EFNA5: variants seen among roughly 807,000 people sequenced by gnomAD.
EFNA5 encodes the protein ephrin-A5.
EFNA5 carries 5 observed loss-of-function variants against 22.9 expected under a neutral mutation model. The observed-to-expected ratio is 0.22, with a 90% confidence interval of 0.11 to 0.46. EFNA5 has a LOEUF of 0.46. Among genes scored for constraint, EFNA5 ranks in the 20% least tolerant of loss-of-function variants. EFNA5 has a pLI of 0.99. For synonymous variants in EFNA5, 113 were observed against 112.2 expected (o/e 1.01, Z -0.04); for missense variants, 237 against 293.3 (o/e 0.81, Z 1.40).
chr5:107,653,458 C>T (rs986952649), intron 1 of EFNA5, among the ~76,000 whole-genome samples: 2 of 152,118 alleles, frequency 1.3e-5, no homozygotes, highest in African/African-American at 4.8e-5. Context: ...TACTTGAGCC[C>T]GCTCTGGAGT....
intron 2 of EFNA5, among the ~76,000 whole-genome samples, chr5:107,411,509 A>G (rs1209987036): frequency 6.6e-6 from 1 of 152,264 alleles, no homozygotes; most frequent in Non-Finnish European, 1.5e-5. Context: ...GTTAGAGCTA[A>G]GAAAATCGAA....
At chr5:107,454,358 T>C (rs1169150910) in intron 1 of EFNA5, among the ~76,000 whole-genome samples, 2 of 152,136 alleles carry the variant, frequency 1.3e-5, no homozygotes, top group African/African-American at 4.8e-5. Context: ...ATAAAAATTA[T>C]ACCTTTGTTT....
At chr5:107,401,219 T>G (rs1454303849) in intron 2 of EFNA5, among the ~76,000 whole-genome samples, 1 of 152,228 alleles carries the variant, frequency 6.6e-6, no homozygotes, top group Admixed American at 6.5e-5. Context: ...GAATCATTTA[T>G]ATTTCTATGC....
chr5:107,515,347 G>GTT (rs1747453841), intron 1 of EFNA5, among the ~76,000 whole-genome samples: 1 of 141,970 alleles, frequency 7.0e-6, no homozygotes, highest in African/African-American at 2.7e-5. Flanking sequence ...TCAAGACATG[G>GTT]TTTTTATTTT....
chr5:107,616,745 T>C (rs1749924629), intron 1 of EFNA5, among the ~76,000 whole-genome samples: 2 of 152,160 alleles, frequency 1.3e-5, no homozygotes, highest in African/African-American at 2.4e-5. Flanking sequence ...GCTTCATCAG[T>C]AAAAACTCAC....
At chr5:107,596,736 C>T (rs1359475486) in intron 1 of EFNA5, among the ~76,000 whole-genome samples, 7 of 151,986 alleles carry the variant, frequency 4.6e-5, no homozygotes, top group Non-Finnish European at 8.8e-5. Flanking sequence ...ATGGAATTAG[C>T]AGGTTTTGAC....
chr5:107,468,524 T>G (rs1465054422), intron 1 of EFNA5, among the ~76,000 whole-genome samples: 1 of 152,172 alleles, frequency 6.6e-6, no homozygotes, highest in Non-Finnish European at 1.5e-5. Context: ...TGGTGCCAGG[T>G]GACTGTCCTT....
At chr5:107,520,096 C>T (rs563522831) in intron 1 of EFNA5, among the ~76,000 whole-genome samples, 7 of 152,136 alleles carry the variant, frequency 4.6e-5, no homozygotes, top group African/African-American at 7.2e-5. Flanking sequence ...GAAATAAACA[C>T]GAAAGACAGA....
chr5:107,511,002 T>TTGTGTGTGTGTGTGTG lies in EFNA5; in HGVS notation c.126-83509_126-83494dup, dbSNP rs71644591. The stretch of plus-strand genomic sequence containing the variant: ...CATAGTTGCATTTCTTTCTTTTTCT[T>TTGTGTGTGTGTGTGTG]TGTGTGTGTGTGTGTGTGTGTGTGT... On this transcript the variant is annotated intron_variant, in intron 1 of 4. Coordinates refer to ENST00000333274, the MANE Select transcript of EFNA5 (RefSeq NM_001962.3). Among the ~76,000 whole-genome samples, 447 of 140,384 alleles carry TTGTGTGTGTGTGTGTG rather than the reference T, an allele frequency of 3.2e-3. 3 individuals are homozygous for TTGTGTGTGTGTGTGTG. The highest frequency in any genetic ancestry group is 0.011 in the African/African-American group (417 of 36,738). The allele number at this position is 140,384 out of a possible 152,430, so 92.1% of individuals were successfully genotyped here.
At chr5:107,611,031 G>A (rs934813235) in intron 1 of EFNA5, among the ~76,000 whole-genome samples, 7 of 152,046 alleles carry the variant, frequency 4.6e-5, no homozygotes, top group Admixed American at 2.0e-4. Context: ...TTAACTATGC[G>A]CCTATTCCCA....
intron 2 of EFNA5, among the ~76,000 whole-genome samples, chr5:107,390,591 G>A (rs1475794043): frequency 6.6e-6 from 1 of 151,938 alleles, no homozygotes; most frequent in Non-Finnish European, 1.5e-5. Flanking sequence ...TTTGTCAGGA[G>A]GTAGGTAGTA....
intron 1 of EFNA5, among the ~76,000 whole-genome samples, chr5:107,586,298 G>T (rs747167234): frequency 2.6e-5 from 4 of 152,054 alleles, no homozygotes; most frequent in African/African-American, 4.8e-5. Context: ...AAAGTAAGCT[G>T]GTCTTTTCTA....
intron 1 of EFNA5, among the ~76,000 whole-genome samples, chr5:107,506,810 C>A (rs947447104): frequency 6.6e-6 from 1 of 152,146 alleles, no homozygotes; most frequent in Non-Finnish European, 1.5e-5. Context: ...TACTCAGAAT[C>A]CTTCTTTAGT....
chr5:107,438,833 T>C (rs1230012012), intron 1 of EFNA5, among the ~76,000 whole-genome samples: 3 of 152,140 alleles, frequency 2.0e-5, no homozygotes, highest in Non-Finnish European at 4.4e-5. Context: ...TGTTGGAAGG[T>C]GGGAAGGCAA....
intron 1 of EFNA5, among the ~76,000 whole-genome samples, chr5:107,486,606 CAG>C (rs1165989452): frequency 6.6e-6 from 1 of 152,112 alleles, no homozygotes; most frequent in East Asian, 1.9e-4. Context: ...TAGAGTTAGG[CAG>C]AGTTGTGGGC....
intron 2 of EFNA5, among the ~76,000 whole-genome samples, chr5:107,401,982 T>G (rs1250390249): frequency 6.6e-6 from 1 of 152,230 alleles, no homozygotes; most frequent in Non-Finnish European, 1.5e-5. Context: ...CCATCGGCTT[T>G]CTGTGCACTG....
chr5:107,670,427 C>A (rs1160898252), intron 1 of EFNA5, 62 bp downstream of exon 1: 4 of 1,501,242 alleles, frequency 2.7e-6, no homozygotes. Context: ...TCCCCGCCGC[C>A]GCTCCTTCCG....
intron 2 of EFNA5, among the ~76,000 whole-genome samples, chr5:107,390,611 A>G (rs2112490643): frequency 6.6e-6 from 1 of 152,126 alleles, no homozygotes; most frequent in South Asian, 2.1e-4. Context: ...ATTAATCCTT[A>G]TGGCTCTAGA....
intron 1 of EFNA5, among the ~76,000 whole-genome samples, chr5:107,633,440 G>A (rs546490228): frequency 4.4e-4 from 67 of 152,338 alleles, no homozygotes; most frequent in African/African-American, 1.6e-3. Context: ...CCTGGCGGTA[G>A]CCAGCAGCAG....
Sources: gnomAD v4.1 joint callset for allele counts (sites outside exome capture counted in the v4.1 genomes callset) on GRCh38, gnomAD v4.1.1 for gene constraint, MANE v1.5 for transcripts, NCBI Gene and HGNC (gene_info 2026-07-23, HGNC 2026-07-21) for gene names.